Variants in ZNF536 observed in about 807,000 individuals in gnomAD.
The protein encoded by ZNF536 is zinc finger protein 536.
ZNF536 carries 13 observed loss-of-function variants against 84.5 expected under a neutral mutation model. The ratio of observed to expected loss-of-function variants is 0.15; its 90% CI spans 0.10 to 0.24. ZNF536 has a LOEUF of 0.24. Among genes scored for constraint, ZNF536 ranks in the 10% least tolerant of loss-of-function variants. The pLI, the probability that ZNF536 is intolerant of heterozygous loss-of-function variation, is 1.00. For missense variants in ZNF536, 1,536 were observed against 1,747.5 expected (o/e 0.88, Z 2.16); for synonymous variants, 811 against 742.5 (o/e 1.09, Z -1.50).
At chr19:30,395,398 G>A (rs2049773815) in intron 1 of ZNF536, among the ~76,000 whole-genome samples, 1 of 152,194 alleles carries the variant, frequency 6.6e-6, no homozygotes, top group Non-Finnish European at 1.5e-5. Flanking sequence ...GCAGTTTAAC[G>A]TTAAAACCCA....
chr19:30,444,290 A>C lies in ZNF536; in HGVS notation c.728A>C (p.Gln243Pro). Residue 243 changes from glutamine to proline, a missense_variant, in exon 2 of 5, where the codon CAG becomes CCG. By Grantham distance (76) the Gln-to-Pro change is moderately conservative. Coordinates refer to ENST00000355537, the MANE Select transcript of ZNF536 (RefSeq NM_014717.3). ...APLAACTLAL[Q>P]ANHSVPDVAH... ...CTGGCCGCCTGCACCCTGGCCCTGC[A>C]GGCTAACCACAGCGTTCCCGACGTG... is the stretch of plus-strand genomic sequence containing the variant. 3 of 1,574,548 alleles carry C rather than the reference A, an allele frequency of 1.9e-6. No individual in the cohort carries two copies. Among genetic ancestry groups the C allele is most frequent in the Non-Finnish European group, 2.6e-6 (3 of 1,167,924 alleles).
upstream of ZNF536, among the ~76,000 whole-genome samples, chr19:30,367,746 G>A (rs1372152569): frequency 6.6e-6 from 1 of 152,162 alleles, no homozygotes; most frequent in Non-Finnish European, 1.5e-5. Context: ...GCTGAGGGGC[G>A]AGCGCTCTCT....
chr19:30,393,478 A>T (rs1256674846), intron 1 of ZNF536, among the ~76,000 whole-genome samples: 3 of 152,200 alleles, frequency 2.0e-5, no homozygotes, highest in African/African-American at 7.2e-5. Context: ...TACAGTCTGG[A>T]GAGAGGGGCA....
intron 1 of ZNF536, among the ~76,000 whole-genome samples, chr19:30,662,773 G>A (rs557624827): frequency 2.1e-4 from 32 of 152,140 alleles, no homozygotes; most frequent in South Asian, 6.2e-4. Context: ...ACGGCCGGTC[G>A]GGGCTGTGGG....
intron 1 of ZNF536, among the ~76,000 whole-genome samples, chr19:30,696,451 C>A (rs796630243): frequency 2.6e-5 from 4 of 152,334 alleles, no homozygotes; most frequent in African/African-American, 9.6e-5. Context: ...AATGTAAGTT[C>A]ATTGACCCTT....
intron 1 of ZNF536, among the ~76,000 whole-genome samples, chr19:30,253,398 T>G (rs950912489): frequency 1.3e-5 from 2 of 152,232 alleles, no homozygotes; most frequent in Admixed American, 6.5e-5. Flanking sequence ...CAATTCATCA[T>G]ATCAATGCGA....
Position 30,499,758 on chromosome 19 carries a change from C to T in ZNF536, c.2171-35089C>T, listed in dbSNP as rs750742931. ...TCCTCTGTTGTTAGCACTCCTTAAC[C>T]TCAAGGCCAGGAGGAGAAAGGTCTT... On this transcript the variant is annotated intron_variant, in intron 2 of 4. Transcript: ENST00000355537. Among the ~76,000 whole-genome samples the T allele has an allele frequency of 1.0e-3, 159 of 152,312 alleles. 8 individuals are homozygous for T. Among genetic ancestry groups the T allele is most frequent in the South Asian group, 1.4e-3 (7 of 4,828 alleles).
intron 2 of ZNF536, among the ~76,000 whole-genome samples, chr19:30,294,586 T>TGA (rs2045942137): frequency 6.9e-6 from 1 of 144,768 alleles, no homozygotes; most frequent in African/African-American, 2.6e-5. Context: ...TGTGTGTGTG[T>TGA]GTGTATTTAA....
chr19:30,433,827 A>G (rs1422663705), intron 1 of ZNF536, among the ~76,000 whole-genome samples: 2 of 152,200 alleles, frequency 1.3e-5, no homozygotes, highest in Non-Finnish European at 2.9e-5. Context: ...CCACCTTTAC[A>G]TGCCTTGGTC....
At chr19:30,383,795 T>TTCTTTTCTC (rs2049163438) in intron 1 of ZNF536, among the ~76,000 whole-genome samples, 1 of 149,508 alleles carries the variant, frequency 6.7e-6, no homozygotes, top group East Asian at 2.0e-4. Flanking sequence ...TTTCTTTTCT[T>TTCTTTTCTC]TCTTTTCTCT....
intron 2 of ZNF536, among the ~76,000 whole-genome samples, chr19:30,457,527 C>T (rs894921008): frequency 2.6e-5 from 4 of 152,236 alleles, no homozygotes; most frequent in African/African-American, 4.8e-5. Flanking sequence ...AGCTTTGTTG[C>T]ACCCTACACA....
At chr19:30,679,053 TGAGTA>T (rs2147802928) in intron 1 of ZNF536, among the ~76,000 whole-genome samples, 1 of 151,892 alleles carries the variant, frequency 6.6e-6, no homozygotes, top group Non-Finnish European at 1.5e-5. Flanking sequence ...AGCCGAGACA[TGAGTA>T]GATTCTCTCA....
chr19:30,616,283 A>T (rs1329539134), intron 1 of ZNF536, among the ~76,000 whole-genome samples: 3 of 152,230 alleles, frequency 2.0e-5, no homozygotes, highest in African/African-American at 7.2e-5. Flanking sequence ...TCAGCATTTC[A>T]GCATCGAGCA....
chr19:30,533,602 G>T (rs757206468), intron 2 of ZNF536, among the ~76,000 whole-genome samples: 16 of 152,144 alleles, frequency 1.1e-4, no homozygotes, highest in Non-Finnish European at 2.2e-4. Flanking sequence ...TGTTAGCAGA[G>T]AACACCAGGA....
intron 4 of ZNF536, chr19:30,556,879 C>T (rs16964345): frequency 0.011 from 3,784 of 331,004 alleles, 85 homozygotes; most frequent in Non-Finnish European, 0.015. Flanking sequence ...TCTTTGGTTT[C>T]GGATGTTGTG....
intron 2 of ZNF536, among the ~76,000 whole-genome samples, chr19:30,529,593 G>A (rs2044724741): frequency 6.6e-6 from 1 of 152,174 alleles, no homozygotes; most frequent in Non-Finnish European, 1.5e-5. Flanking sequence ...TATAGACTCG[G>A]AGGATAAGAA....
intron 1 of ZNF536, among the ~76,000 whole-genome samples, chr19:30,605,711 G>T (rs573908625): frequency 2.0e-5 from 3 of 152,172 alleles, no homozygotes; most frequent in Non-Finnish European, 4.4e-5. Flanking sequence ...CCAGGAGTGG[G>T]ATTCCTGGAT....
rs1371104207 is a variant in ZNF536, at chr19:30,557,693, AT to A, written c.*531del. 1 of 152,340 alleles carries A rather than the reference AT, an allele frequency of 6.6e-6. No individual in the cohort carries two copies. Among genetic ancestry groups the A allele is most frequent in the Non-Finnish European group, 1.5e-5 (1 of 68,086 alleles). The allele number at this position is 152,340 out of a possible 1,614,324, so 9.4% of individuals were successfully genotyped here. On this transcript the variant is annotated 3_prime_UTR_variant, in exon 5 of 5. Coordinates refer to ENST00000355537, the MANE Select transcript of ZNF536 (RefSeq NM_014717.3). ...TAAGCAGAAATATTGCTAGTTTAATATTGTGTCAGGTCGTCCTATTAACCAG... is the reference window on the plus strand; with the variant it reads ...TAAGCAGAAATATTGCTAGTTTAATATGTGTCAGGTCGTCCTATTAACCAG...
chr19:30,593,576 C>G (rs546010238), intron 1 of ZNF536, among the ~76,000 whole-genome samples: 1 of 152,170 alleles, frequency 6.6e-6, no homozygotes, highest in Non-Finnish European at 1.5e-5. Context: ...TTTGGCAAAG[C>G]AAAACTCTTC....
Sources: allele counts gnomAD v4.1 joint callset (sites outside exome capture counted in the v4.1 genomes callset), GRCh38; gene constraint gnomAD v4.1.1; transcripts MANE v1.5; gene names NCBI Gene and HGNC (gene_info 2026-07-23, HGNC 2026-07-21).